The following JAZF1 variants were observed in gnomAD, a reference collection of about 807,000 sequenced individuals.
JAZF1 encodes the protein JAZF zinc finger 1, also known as juxtaposed with another zinc finger protein 1.
A neutral mutation model predicts 26.4 loss-of-function variants in JAZF1; 8 were observed. That is an observed-to-expected ratio of 0.30 (90% CI 0.18 to 0.55). The LOEUF is 0.55. Ranked by LOEUF, JAZF1 falls within the 20% of genes least tolerant of loss-of-function variation. The pLI, the probability that JAZF1 is intolerant of heterozygous loss-of-function variation, is 0.94. For synonymous variants in JAZF1, 126 were observed against 122.3 expected (o/e 1.03, Z -0.20); for missense variants, 199 against 322.0 (o/e 0.62, Z 2.92).
chr7:27,831,065 G>C lies in JAZF1; in HGVS notation c.*1735C>G, dbSNP rs1160005402. On this transcript the variant is annotated 3_prime_UTR_variant, in exon 5 of 5. Coordinates refer to ENST00000283928, the MANE Select transcript of JAZF1 (RefSeq NM_175061.4). ...GTGGGGCCTTCTTATGCACCAACTA[G>C]TTGCGTCTCATGTCTGGATCACCCT... The C allele has an allele frequency of 9.0e-6, 2 of 222,266 alleles. No homozygotes were observed. The highest frequency in any genetic ancestry group is 1.8e-5 in the Non-Finnish European group (2 of 110,982). The allele number at this position is 222,266 out of a possible 1,614,324, so 13.8% of individuals were successfully genotyped here.
chr7:27,861,456 T>A (rs1783378266), intron 3 of JAZF1, among the ~76,000 whole-genome samples: 1 of 152,132 alleles, frequency 6.6e-6, no homozygotes, highest in African/African-American at 2.4e-5. Context: ...TTTTACTTTC[T>A]GGGAGATTTT....
chr7:28,138,530 T>TG (rs2127944744), intron 1 of JAZF1, among the ~76,000 whole-genome samples: 1 of 152,360 alleles, frequency 6.6e-6, no homozygotes, highest in African/African-American at 2.4e-5. Context: ...GTTCACCTGT[T>TG]GCCAGCTTCT....
intron 1 of JAZF1, among the ~76,000 whole-genome samples, chr7:28,010,978 T>G (rs901404535): frequency 2.0e-5 from 3 of 152,228 alleles, no homozygotes; most frequent in African/African-American, 7.2e-5. Context: ...TGCTGCTTAC[T>G]GTGTGGTGAA....
chr7:28,050,988 C>A (rs1783602721), intron 1 of JAZF1, among the ~76,000 whole-genome samples: 1 of 151,674 alleles, frequency 6.6e-6, no homozygotes. Flanking sequence ...AAAAATTAGC[C>A]AGGCATGGTG....
At chr7:28,134,430 A>T (rs73089288) in intron 1 of JAZF1, among the ~76,000 whole-genome samples, 5,040 of 150,616 alleles carry the variant, frequency 0.033, 97 homozygotes, top group East Asian at 0.07. Flanking sequence ...CCTCCCGAGT[A>T]GCTGGGATTA....
At chr7:28,171,352 G>A (rs1046395549) in intron 1 of JAZF1, among the ~76,000 whole-genome samples, 9 of 152,152 alleles carry the variant, frequency 5.9e-5, no homozygotes, top group African/African-American at 2.2e-4. Flanking sequence ...CAAACCTACA[G>A]AAATTAATTT....
intron 2 of JAZF1, among the ~76,000 whole-genome samples, chr7:27,899,361 A>G (rs62451116): frequency 0.18 from 28,129 of 152,142 alleles, 3,321 homozygotes; most frequent in East Asian, 0.46. Flanking sequence ...AAGTCATGTG[A>G]CTCAGTGGCC....
intron 1 of JAZF1, among the ~76,000 whole-genome samples, chr7:28,113,331 C>T (rs1784692254): frequency 6.6e-6 from 1 of 152,154 alleles, no homozygotes; most frequent in Non-Finnish European, 1.5e-5. Context: ...AGTTCTCCAA[C>T]CCACGTGTCC....
intron 2 of JAZF1, among the ~76,000 whole-genome samples, chr7:27,918,348 CATTT>C (rs1784476714): frequency 6.6e-6 from 1 of 152,146 alleles, no homozygotes; most frequent in African/African-American, 2.4e-5. Context: ...CTCCAGCCAA[CATTT>C]ATCTCTTTGT....
chr7:28,009,426 G>T (rs565215389), intron 1 of JAZF1, among the ~76,000 whole-genome samples: 1 of 151,264 alleles, frequency 6.6e-6, no homozygotes, highest in Non-Finnish European at 1.5e-5. Context: ...ACAAACATAC[G>T]AAAGTTTCAC....
intron 3 of JAZF1, among the ~76,000 whole-genome samples, chr7:27,877,939 G>A (rs1438852794): frequency 6.6e-6 from 1 of 152,104 alleles, no homozygotes. Context: ...ACTTAAGTAT[G>A]CAAAGGGGGA....
chr7:27,966,056 T>C (rs1331340366), intron 2 of JAZF1, among the ~76,000 whole-genome samples: 2 of 152,228 alleles, frequency 1.3e-5, no homozygotes, highest in Non-Finnish European at 2.9e-5. Context: ...TATTGCAGAA[T>C]ATGGTAATGT....
intron 3 of JAZF1, among the ~76,000 whole-genome samples, chr7:27,851,658 T>C (rs183527149): frequency 2.0e-4 from 31 of 152,228 alleles, no homozygotes; most frequent in Non-Finnish European, 3.4e-4. Context: ...GGCACCACTG[T>C]ACTCCGACAA....
intron 1 of JAZF1, among the ~76,000 whole-genome samples, chr7:28,140,381 C>A (rs1446966598): frequency 1.3e-5 from 2 of 152,038 alleles, no homozygotes; most frequent in African/African-American, 2.4e-5. Flanking sequence ...CCATGCCCAG[C>A]CAAAAGTCAC....
chr7:27,833,062 G>T, intron 4 of JAZF1, 86 bp from the exon 5 acceptor site: 1 of 1,038,428 alleles, frequency 9.6e-7, no homozygotes, highest in Non-Finnish European at 1.4e-6. Context: ...CTGGATTGCA[G>T]TTCCTGGATG....
intron 3 of JAZF1, among the ~76,000 whole-genome samples, chr7:27,859,822 A>G (rs1277344816): frequency 6.6e-6 from 1 of 152,228 alleles, no homozygotes; most frequent in Non-Finnish European, 1.5e-5. Flanking sequence ...TAGCTATGTA[A>G]CAAACCTGCA....
chr7:28,172,317 C>T (rs1353603694), intron 1 of JAZF1, among the ~76,000 whole-genome samples: 1 of 152,132 alleles, frequency 6.6e-6, no homozygotes, highest in East Asian at 1.9e-4. Flanking sequence ...GGATTGTTGT[C>T]AAACCTGTAA....
chr7:28,030,462 G>A lies in JAZF1; in HGVS notation c.116-38481C>T, dbSNP rs17156227. On this transcript the variant is annotated intron_variant, in intron 1 of 4. Coordinates refer to ENST00000283928, the MANE Select transcript of JAZF1 (RefSeq NM_175061.4). ...GCACTACCTTCTTGAGAAAAGCAACGATGCCTTGACCAGGTAAACCTCCAT... is the reference window on the plus strand; with the variant it reads ...GCACTACCTTCTTGAGAAAAGCAACAATGCCTTGACCAGGTAAACCTCCAT... Among the ~76,000 whole-genome samples the A allele has an allele frequency of 1.4e-3, 214 of 152,258 alleles. 5 individuals are homozygous for A. The East Asian group carries it at 0.038, about 27-fold the overall frequency.
intron 2 of JAZF1, among the ~76,000 whole-genome samples, chr7:27,975,393 A>C (rs1471905564): frequency 6.6e-6 from 1 of 152,098 alleles, no homozygotes; most frequent in East Asian, 1.9e-4. Flanking sequence ...ACCAGGCTCC[A>C]CCTCCAACAC....
Sources: allele counts gnomAD v4.1 joint callset (sites outside exome capture counted in the v4.1 genomes callset), GRCh38; gene constraint gnomAD v4.1.1; transcripts MANE v1.5; gene names NCBI Gene and HGNC (gene_info 2026-07-23, HGNC 2026-07-21).